Variants in INTS9 observed in about 807,000 individuals in gnomAD.
INTS9 encodes the protein protein related to CPSF subunits of 74 kDa.
A neutral mutation model predicts 79.7 loss-of-function variants in INTS9; 55 were observed. The ratio of observed to expected loss-of-function variants is 0.69; its 90% CI spans 0.56 to 0.86. INTS9 has a LOEUF of 0.86. Ranked by LOEUF, INTS9 falls within the 40% of genes least tolerant of loss-of-function variation. The pLI, the probability that INTS9 is intolerant of heterozygous loss-of-function variation, is 0.00. For synonymous variants in INTS9, 319 were observed against 325.2 expected, an observed-to-expected ratio of 0.98 and a Z score of 0.20; for missense variants, 721 against 831.5, an observed-to-expected ratio of 0.87 and a Z score of 1.64.
At chr8:28,839,354 G>A (rs1312525019) in intron 4 of INTS9, among the ~76,000 whole-genome samples, 1 of 151,844 alleles carries the variant, frequency 6.6e-6, no homozygotes, top group Non-Finnish European at 1.5e-5. Flanking sequence ...TCATGAAAAT[G>A]GCCATACTGC....
chr8:28,888,369 T>C (rs1810275016), intron 1 of INTS9, among the ~76,000 whole-genome samples: 1 of 152,098 alleles, frequency 6.6e-6, no homozygotes, highest in East Asian at 1.9e-4. Context: ...CTGGGCAACA[T>C]GGTTAAACCC....
At chr8:28,785,811 A>G (rs1014131213) in intron 11 of INTS9, among the ~76,000 whole-genome samples, 1 of 152,228 alleles carries the variant, frequency 6.6e-6, no homozygotes, top group Non-Finnish European at 1.5e-5. Context: ...GTATCTACAT[A>G]TATTGAAAAT....
At chr8:28,813,245 C>G (rs142607564) in intron 7 of INTS9, among the ~76,000 whole-genome samples, 1 of 152,142 alleles carries the variant, frequency 6.6e-6, no homozygotes, top group African/African-American at 2.4e-5. Flanking sequence ...CTAATGTGAA[C>G]AGGATGAGAC....
chr8:28,815,111 A>G (rs1385719132), intron 6 of INTS9, among the ~76,000 whole-genome samples: 1 of 152,208 alleles, frequency 6.6e-6, no homozygotes, highest in African/African-American at 2.4e-5. Flanking sequence ...TTAGGCAGGT[A>G]GAAGAAAACT....
At chr8:28,840,336 T>C (rs1389723577) in intron 4 of INTS9, among the ~76,000 whole-genome samples, 1 of 148,992 alleles carries the variant, frequency 6.7e-6, no homozygotes, top group Non-Finnish European at 1.5e-5. Flanking sequence ...ACTTTTACAC[T>C]GTTGGTGGGA....
chr8:28,791,568 C>G (rs543544040), intron 10 of INTS9, among the ~76,000 whole-genome samples: 49 of 152,164 alleles, frequency 3.2e-4, no homozygotes, highest in Non-Finnish European at 4.7e-4. Context: ...TCTTAACCCC[C>G]CAAATGGGGT....
At chr8:28,844,663 A>G (rs1807398833) in intron 4 of INTS9, among the ~76,000 whole-genome samples, 1 of 152,088 alleles carries the variant, frequency 6.6e-6, no homozygotes, top group Admixed American at 6.5e-5. Context: ...CCTCTGTACT[A>G]AAAATTCAAA....
chr8:28,841,067 G>A (rs188853701), intron 4 of INTS9, among the ~76,000 whole-genome samples: 4 of 152,204 alleles, frequency 2.6e-5, no homozygotes, highest in Admixed American at 2.6e-4. Context: ...AATAAAACGA[G>A]TAACTTAATA....
intron 1 of INTS9, among the ~76,000 whole-genome samples, chr8:28,885,001 C>T (rs1439323986): frequency 6.6e-6 from 1 of 152,214 alleles, no homozygotes; most frequent in African/African-American, 2.4e-5. Context: ...TTAAACTGAC[C>T]TTGGGGCAGG....
At chr8:28,841,809 G>A (rs1423314369) in intron 4 of INTS9, among the ~76,000 whole-genome samples, 1 of 152,244 alleles carries the variant, frequency 6.6e-6, no homozygotes. Context: ...TAAGGAGCCA[G>A]ATGTGGTGGC....
intron 15 of INTS9, among the ~76,000 whole-genome samples, chr8:28,770,563 T>C (rs1289053688): frequency 6.6e-6 from 1 of 152,196 alleles, no homozygotes; most frequent in Non-Finnish European, 1.5e-5. Flanking sequence ...ACATGTGGCA[T>C]AAAGGTGACA....
chr8:28,854,300 G>C (rs1212341165), intron 2 of INTS9, among the ~76,000 whole-genome samples: 1 of 152,160 alleles, frequency 6.6e-6, no homozygotes, highest in Non-Finnish European at 1.5e-5. Context: ...TGGAATGATA[G>C]TAAATAAACA....
At chr8:28,798,172 G>A (rs1432480759) in intron 8 of INTS9, 1 of 152,210 alleles carries the variant, frequency 6.6e-6, no homozygotes, top group African/African-American at 2.4e-5. Context: ...TCATCTATTT[G>A]TACTTCTCCA....
chr8:28,831,101 C>A (rs1806459546), intron 6 of INTS9, among the ~76,000 whole-genome samples: 1 of 152,120 alleles, frequency 6.6e-6, no homozygotes, highest in South Asian at 2.1e-4. Context: ...AAATGTGGTA[C>A]CTATACACCA....
intron 8 of INTS9, among the ~76,000 whole-genome samples, chr8:28,799,235 G>C (rs1314334162): frequency 6.6e-6 from 1 of 152,190 alleles, no homozygotes; most frequent in African/African-American, 2.4e-5. Flanking sequence ...GGCGGAGGTT[G>C]CAGTGAGCCA....
At chr8:28,780,793 C>G (rs1279755868) in intron 12 of INTS9, 30 bp downstream of exon 12, 1 of 1,610,358 alleles carries the variant, frequency 6.2e-7, no homozygotes, top group Admixed American at 1.7e-5. Flanking sequence ...GTGGAGAGAA[C>G]CAATTTGTTT....
intron 8 of INTS9, among the ~76,000 whole-genome samples, chr8:28,797,826 C>T (rs986770277): frequency 6.6e-6 from 1 of 152,170 alleles, no homozygotes; most frequent in Non-Finnish European, 1.5e-5. Flanking sequence ...AAGGCTTACT[C>T]CTCTTTTTTC....
At chr8:28,828,201 G>C (rs573908749) in intron 6 of INTS9, among the ~76,000 whole-genome samples, 4 of 152,220 alleles carry the variant, frequency 2.6e-5, no homozygotes, top group African/African-American at 9.6e-5. Flanking sequence ...CTGAGTGACA[G>C]TGACAACTAA....
chr8:28,868,979 A>G (rs1312759528), intron 1 of INTS9, among the ~76,000 whole-genome samples: 1 of 152,054 alleles, frequency 6.6e-6, no homozygotes. Flanking sequence ...CGTACCTTTA[A>G]TCCCAGCTAC....
Sources: gnomAD v4.1 joint callset for allele counts (sites outside exome capture counted in the v4.1 genomes callset) on GRCh38, gnomAD v4.1.1 for gene constraint, MANE v1.5 for transcripts, NCBI Gene and HGNC (gene_info 2026-07-23, HGNC 2026-07-21) for gene names.